Variants in ST6GALNAC1 observed in about 807,000 individuals in gnomAD.
ST6GALNAC1 encodes alpha-N-acetylgalactosaminide alpha-2,6-sialyltransferase 1.
A neutral mutation model predicts 56.8 loss-of-function variants in ST6GALNAC1; 45 were observed. That is an observed-to-expected ratio of 0.79 (90% CI 0.62 to 1.02). The LOEUF (loss-of-function observed/expected upper bound fraction) is 1.02, where lower values mean the gene tolerates loss of function less well. Ranked by LOEUF, ST6GALNAC1 falls within the 50% of genes least tolerant of loss-of-function variation. The pLI is 0.00. For synonymous variants in ST6GALNAC1, 295 were observed against 297.8 expected, an observed-to-expected ratio of 0.99 and a Z score of 0.10; for missense variants, 743 against 754.8, an observed-to-expected ratio of 0.98 and a Z score of 0.18.
rs1056128215 is a variant in ST6GALNAC1, at chr17:76,626,922, C to A, written c.1173-133G>T. On this transcript the variant is annotated intron_variant, in intron 4 of 8. Coordinates refer to ENST00000156626, the MANE Select transcript of ST6GALNAC1 (RefSeq NM_018414.5). Reference sequence around the variant, plus strand: ...AAATTCTCTCGAGAGCCCAGGAATTCCACCTTCCAGATGCAGGCGTGGAAC... The same window carrying A: ...AAATTCTCTCGAGAGCCCAGGAATTACACCTTCCAGATGCAGGCGTGGAAC... 25 of 1,477,128 alleles carry A rather than the reference C, an allele frequency of 1.7e-5. No homozygotes were observed. The African/African-American group carries it at 2.8e-4, about 16-fold the overall frequency. The allele number at this position is 1,477,128 out of a possible 1,614,324, so 91.5% of individuals were successfully genotyped here.
At position 76,625,495 on chromosome 17, in the gene ST6GALNAC1, A is replaced by G; in HGVS notation, c.1638T>C (p.His546=). The change falls in exon 9 of 9, where the codon CAT becomes CAC. Residue 546 remains histidine (H), a synonymous_variant. Transcript: ENST00000156626. ...VSAYGFITEG[H]ERFSDHYYDT... ...CATAGTAGTGATCAGAAAAGCGCTC[A>G]TGGCCCTCAGTGATGAAGCCATAAG... The G allele has an allele frequency of 6.2e-7, 1 of 1,614,112 alleles. No individual in the cohort carries two copies. Among genetic ancestry groups the G allele is most frequent in the Non-Finnish European group, 8.5e-7 (1 of 1,180,032 alleles).
chr17:76,629,372 C>A lies in ST6GALNAC1; in HGVS notation c.471G>T (p.Lys157Asn). The change falls in exon 2 of 9, where the codon AAG becomes AAT. Residue 157 changes from lysine (K) to asparagine (N), a missense_variant. Physicochemically the swap from Lys to Asn is moderately conservative, Grantham distance 94 (BLOSUM62 0). Coordinates refer to ENST00000156626, the MANE Select transcript of ST6GALNAC1 (RefSeq NM_018414.5). ...CTTGGGTCGTCTTTGTGTCCTGGCT[C>A]TTCCATGATTGTGCCTCTGTCCTGC... ...ASGRTEAQSW[K>N]SQDTKTTQGN... The A allele has an allele frequency of 6.2e-7, 1 of 1,614,192 alleles. No individual in the cohort carries two copies. The highest frequency in any genetic ancestry group is 8.5e-7 in the Non-Finnish European group (1 of 1,180,018).
At chr17:76,621,190 T>TTA (rs1241808576), downstream of ST6GALNAC1, among the ~76,000 whole-genome samples, 8 of 143,144 alleles carry the variant, frequency 5.6e-5, no homozygotes, top group African/African-American at 2.1e-4. Flanking sequence ...TTCTTTCTTT[T>TTA]TTTTTTTTTT....
At chr17:76,636,599 C>T (rs564591254) in intron 1 of ST6GALNAC1, among the ~76,000 whole-genome samples, 87 of 152,238 alleles carry the variant, frequency 5.7e-4, no homozygotes, top group African/African-American at 2.1e-3. Context: ...AACGAGACTC[C>T]GTTTCAAAAA....
In ST6GALNAC1 at chr17:76,626,353, A is replaced by G. The variant is rs1413183638; in HGVS notation, c.1351T>C (p.Tyr451His). Residue 451 changes from tyrosine (Y) to histidine (H), a missense_variant, in exon 6 of 9, where the codon TAT (tyrosine) becomes CAT (histidine). Transcript: ENST00000156626. ...ATAAGCAGTGCTTCCAGCCACTCAT[A>G]GTCCCGGGTGCCTTCCAGGAAGTGC... ...YLHFLEGTRD[Y>H]EWLEALLMNQ... is the part of the protein sequence containing the mutation. 1.9e-6 allele frequency: 3 copies of G among 1,614,080 alleles called. No homozygotes were observed. Among genetic ancestry groups the G allele is most frequent in the Non-Finnish European group, 2.5e-6 (3 of 1,180,040 alleles).
intron 1 of ST6GALNAC1, among the ~76,000 whole-genome samples, chr17:76,634,300 A>G (rs1356960198): frequency 1.3e-5 from 2 of 152,124 alleles, no homozygotes; most frequent in African/African-American, 4.8e-5. Flanking sequence ...CTTCCAGGTT[A>G]CATGTTTGGT....
rs771251026 is a variant in ST6GALNAC1, at chr17:76,643,659, A to T, written c.-21T>A. On this transcript the variant is annotated 5_prime_UTR_variant, in exon 1 of 9. Transcript: ENST00000156626. ...CTCATGGTGGTGGGTCGGGTTCTAG[A>T]GGAAGGTTCTGCATGTCCTGGGGCC... 6.2e-7 allele frequency: 1 copy of T among 1,612,828 alleles called. No homozygotes were observed. The highest frequency in any genetic ancestry group is 8.5e-7 in the Non-Finnish European group (1 of 1,179,414).
In ST6GALNAC1 at chr17:76,643,515, G is replaced by T. The variant is rs775107724; in HGVS notation, c.124C>A (p.Pro42Thr). The change falls in exon 1 of 9, where the codon CCT becomes ACT. Residue 42 changes from proline to threonine, a missense_variant. Physicochemically the swap from Pro to Thr is conservative, Grantham distance 38. Transcript: ENST00000156626. The stretch of plus-strand genomic sequence containing the variant: ...AAAGGACAAGAATCTTACCTGGAAG[G>T]CTTTGTTTGAGGCTCCTTAATAAAA... ...PSFIKEPQTK[P>T]SRHQRTENIK... 10 of 1,613,820 alleles carry T rather than the reference G, an allele frequency of 6.2e-6. No homozygotes were observed. In the East Asian group the frequency reaches 1.3e-4, roughly 22 times the overall value.
intron 2 of ST6GALNAC1, among the ~76,000 whole-genome samples, chr17:76,628,130 T>A (rs1175511650): frequency 2.0e-5 from 3 of 151,376 alleles, no homozygotes; most frequent in African/African-American, 7.3e-5. Context: ...CAAATGCACC[T>A]TTGTAAGTGT....
chr17:76,636,130 G>T lies in ST6GALNAC1; in HGVS notation c.132-6419C>A, dbSNP rs1241011511. On this transcript the variant is annotated intron_variant, in intron 1 of 8. Coordinates refer to ENST00000156626, the MANE Select transcript of ST6GALNAC1 (RefSeq NM_018414.5). Reference sequence around the variant, plus strand: ...CTCCTATTATCCCAGTCCCTTCAAAGAATCTACTGTTAGTACCTCAGGGCA... The same window carrying T: ...CTCCTATTATCCCAGTCCCTTCAAATAATCTACTGTTAGTACCTCAGGGCA... Among the ~76,000 whole-genome samples, 4 of 152,166 alleles carry T rather than the reference G, an allele frequency of 2.6e-5. No individual in the cohort carries two copies. The East Asian group carries it at 7.7e-4, about 29-fold the overall frequency.
Position 76,629,117 on chromosome 17 carries a change from G to A in ST6GALNAC1, c.726C>T (p.Ser242=), listed in dbSNP as rs2075853971. 6.2e-7 allele frequency: 1 copy of A among 1,611,266 alleles called. No homozygotes were observed. The highest frequency in any genetic ancestry group is 2.2e-5 in the East Asian group (1 of 44,798). ...GTCTTTGGTTTCTCTGCGTCGTGGG[G>A]CTCTGGAAAGGGGCAGGGGGTGGGG... is the stretch of plus-strand genomic sequence containing the variant. ...QATPPPAPFQ[S]PTTQRNQRLK... is the part of the protein sequence containing the mutation. Residue 242 remains serine, a synonymous_variant, in exon 2 of 9, where the codon AGC becomes AGT. Transcript: ENST00000156626.
rs761042317 is a variant in ST6GALNAC1 at position 76,626,720 on chromosome 17, G to C, written c.1242C>G (p.Thr414=). 1.8e-5 allele frequency: 29 copies of C among 1,614,196 alleles called. No homozygotes were observed. Among genetic ancestry groups the C allele is most frequent in the Non-Finnish European group, 2.4e-5 (28 of 1,180,030 alleles). ...GGAGTGACTGGGTCAGGGAGAAGGC[G>C]GTAAAGCCGTAGAAGGATGTCCGAG... ...VGTRTSFYGF[T]AFSLTQSLLI... The change falls in exon 5 of 9, where the codon ACC becomes ACG. Residue 414 remains threonine (T), a synonymous_variant. Transcript: ENST00000156626.
chr17:76,622,008 A>T (rs886553069), downstream of ST6GALNAC1, among the ~76,000 whole-genome samples: 5 of 143,706 alleles, frequency 3.5e-5, no homozygotes, highest in Non-Finnish European at 6.0e-5. Context: ...TATGTTGCCC[A>T]GGCTGGTCTT....
Position 76,627,138 on chromosome 17 carries a change from C to T in ST6GALNAC1, c.1101G>A (p.Val367=). The T allele has an allele frequency of 6.2e-7, 1 of 1,604,574 alleles. No individual in the cohort carries two copies. The highest frequency in any genetic ancestry group is 2.2e-5 in the East Asian group (1 of 44,814). Residue 367 remains valine, a synonymous_variant, in exon 4 of 9, where the codon GTG becomes GTA. Coordinates refer to ENST00000156626, the MANE Select transcript of ST6GALNAC1 (RefSeq NM_018414.5). This position sits in a 1 kb window ranked among gnomAD's most constrained non-coding sequence, Gnocchi z 4.4. ...TGTTCAGGATGCCCCCGTTGCCCACCACGGCACAGGTGATGCACCGGAGGC... is the reference window on the plus strand; with the variant it reads ...TGTTCAGGATGCCCCCGTTGCCCACTACGGCACAGGTGATGCACCGGAGGC... ...AGSLRCITCA[V]VGNGGILNNS...
In ST6GALNAC1 at chr17:76,625,480, A is replaced by C; in HGVS notation, c.1653T>G (p.Asp551Glu). 6.2e-7 allele frequency: 1 copy of C among 1,614,166 alleles called. No homozygotes were observed. The highest frequency in any genetic ancestry group is 8.5e-7 in the Non-Finnish European group (1 of 1,180,030). The change falls in exon 9 of 9, where the codon GAT becomes GAG. Residue 551 changes from aspartate to glutamate, a missense_variant. Coordinates refer to ENST00000156626, the MANE Select transcript of ST6GALNAC1 (RefSeq NM_018414.5). ...GCTTCCATGATGTATCATAGTAGTG[A>C]TCAGAAAAGCGCTCATGGCCCTCAG... The part of the protein sequence containing the change: ...FITEGHERFS[D>E]HYYDTSWKRL...
In ST6GALNAC1 at chr17:76,627,354, C is replaced by T; in HGVS notation, c.1000+61G>A. ...AAGAGGCAGACCAGAAAGCCAGCTG[C>T]CCTCTGCCCTCTGCCCCGGCCTACT... On this transcript the variant is annotated intron_variant, in intron 3 of 8. Transcript: ENST00000156626. This position sits in a 1 kb window ranked among gnomAD's most constrained non-coding sequence, Gnocchi z 4.4. 2.5e-6 allele frequency: 4 copies of T among 1,593,062 alleles called. No homozygotes were observed. The highest frequency in any genetic ancestry group is 3.4e-6 in the Non-Finnish European group (4 of 1,168,456).
At chr17:76,636,630 G>T (rs566728997) in intron 1 of ST6GALNAC1, among the ~76,000 whole-genome samples, 71 of 152,140 alleles carry the variant, frequency 4.7e-4, no homozygotes, top group African/African-American at 1.7e-3. Flanking sequence ...CTCCCGCCCG[G>T]CCAGCCTCCC....
Position 76,627,231 on chromosome 17 carries a change from C to T in ST6GALNAC1, c.1008G>A (p.Gln336=), listed in dbSNP as rs2143421636. 3 of 1,564,736 alleles carry T rather than the reference C, an allele frequency of 1.9e-6. No individual in the cohort carries two copies. Among genetic ancestry groups the T allele is most frequent in the East Asian group, 2.2e-5 (1 of 44,542 alleles). The stretch of plus-strand genomic sequence containing the variant: ...CTGGAGGGAAGCGTGTCACGACCTT[C>T]TGCACCACTGGAACAAGAGTGGGGG... The part of the protein sequence containing the change: ...GFMELNYSLV[Q]KVVTRFPPVP... Residue 336 remains glutamine (Q), a synonymous_variant, in exon 4 of 9, where the codon CAG becomes CAA. Transcript: ENST00000156626. The surrounding 1 kb of genome is among the most constrained non-coding windows in gnomAD (Gnocchi z 4.4).
downstream of ST6GALNAC1, among the ~76,000 whole-genome samples, chr17:76,621,182 C>CTTTTTTTTTTTTTTTTTTTT (rs367846650): frequency 1.0e-4 from 11 of 105,342 alleles, no homozygotes; most frequent in Non-Finnish European, 1.6e-4. Flanking sequence ...TTCTTTCTTT[C>CTTTTTTTTTTTTTTTTTTTT]TTTCTTTTTT....
Sources: gnomAD v4.1 joint callset for allele counts (sites outside exome capture counted in the v4.1 genomes callset) on GRCh38, gnomAD v4.1.1 for gene constraint, Gnocchi (gnomAD v3.1) non-coding constraint, MANE v1.5 for transcripts, NCBI Gene and HGNC (gene_info 2026-07-23, HGNC 2026-07-21) for gene names.